The following DPP10 variants were observed in gnomAD, a reference collection of about 807,000 sequenced individuals.
DPP10 encodes inactive dipeptidyl peptidase 10.
In DPP10, 33 loss-of-function variants were observed where a neutral mutation model predicts 120.9. The observed-to-expected ratio is 0.27, with a 90% CI of 0.21 to 0.37. The LOEUF is 0.37. DPP10 is among the 10% of genes least tolerant of loss of function. The pLI is 1.00. For synonymous variants in DPP10, 337 were observed against 326.1 expected (o/e 1.03, Z -0.36); for missense variants, 816 against 942.8 (o/e 0.87, Z 1.76).
At chr2:115,219,715 T>G (rs1295207586) in intron 1 of DPP10, among the ~76,000 whole-genome samples, 1 of 152,216 alleles carries the variant, frequency 6.6e-6, no homozygotes. Context: ...TGTTAAATAT[T>G]GTTAGTCACA....
intron 1 of DPP10, among the ~76,000 whole-genome samples, chr2:115,067,861 C>CAAA (rs201964006): frequency 3.5e-5 from 3 of 86,800 alleles, no homozygotes; most frequent in Non-Finnish European, 4.6e-5. Flanking sequence ...GACTCTGTCT[C>CAAA]AAAAAAAAAA....
At chr2:115,366,898 A>G (rs1270897911) in intron 3 of DPP10, among the ~76,000 whole-genome samples, 1 of 152,084 alleles carries the variant, frequency 6.6e-6, no homozygotes, top group South Asian at 2.1e-4. Flanking sequence ...CCCCAGCAGT[A>G]TCTTTTTAGG....
intron 5 of DPP10, among the ~76,000 whole-genome samples, chr2:115,576,791 C>A (rs564378970): frequency 6.6e-5 from 10 of 152,172 alleles, no homozygotes; most frequent in Non-Finnish European, 1.3e-4. Context: ...CACACTTACT[C>A]ACAAGCATAA....
At chr2:115,586,470 G>T (rs1259244549) in intron 5 of DPP10, among the ~76,000 whole-genome samples, 1 of 152,098 alleles carries the variant, frequency 6.6e-6, no homozygotes, top group Non-Finnish European at 1.5e-5. Context: ...TGAGATGTAG[G>T]ATTACTGGGT....
chr2:115,761,039 G>A (rs1234043875), intron 11 of DPP10, among the ~76,000 whole-genome samples: 2 of 148,248 alleles, frequency 1.3e-5, no homozygotes, highest in African/African-American at 5.0e-5. Flanking sequence ...AGAGGTTTCA[G>A]TGAGCCGAGA....
intron 1 of DPP10, among the ~76,000 whole-genome samples, chr2:115,141,725 C>T (rs1338877888): frequency 6.6e-6 from 1 of 152,170 alleles, no homozygotes; most frequent in Non-Finnish European, 1.5e-5. Flanking sequence ...TTCATTCACT[C>T]ACCTAATATT....
chr2:115,820,996 C>T (rs1687763483), intron 21 of DPP10, among the ~76,000 whole-genome samples: 1 of 152,152 alleles, frequency 6.6e-6, no homozygotes, highest in African/African-American at 2.4e-5. Context: ...AGTGGGATTG[C>T]TAGATCAAAT....
At chr2:114,887,724 T>A (rs576458786) in intron 1 of DPP10, among the ~76,000 whole-genome samples, 1 of 152,220 alleles carries the variant, frequency 6.6e-6, no homozygotes, top group South Asian at 2.1e-4. Context: ...CACAGTGTAT[T>A]AGAAAGCAGA....
At chr2:114,747,678 T>C (rs1574093292) in intron 1 of DPP10, among the ~76,000 whole-genome samples, 1 of 152,358 alleles carries the variant, frequency 6.6e-6, no homozygotes, top group Middle Eastern at 3.4e-3. Flanking sequence ...TCTTCACAGT[T>C]TGTTCTTTCT....
intron 5 of DPP10, among the ~76,000 whole-genome samples, chr2:115,585,545 T>C (rs2082236711): frequency 6.6e-6 from 1 of 152,224 alleles, no homozygotes; most frequent in Non-Finnish European, 1.5e-5. Context: ...ATAAGTTTTA[T>C]CAAGTTTTCT....
chr2:114,808,584 A>C (rs559348922), intron 1 of DPP10, among the ~76,000 whole-genome samples: 54 of 149,558 alleles, frequency 3.6e-4, no homozygotes, highest in Non-Finnish European at 6.5e-4. Context: ...TGGAAATTCC[A>C]ATAGCACTTG....
At chr2:115,627,785 T>C (rs2085484744) in intron 5 of DPP10, among the ~76,000 whole-genome samples, 2 of 152,140 alleles carry the variant, frequency 1.3e-5, no homozygotes, top group South Asian at 4.1e-4. Context: ...CAGTGTTTTG[T>C]TTTCTGTTCC....
chr2:114,446,989 T>G (rs983324186), intron 1 of DPP10, among the ~76,000 whole-genome samples: 1 of 152,114 alleles, frequency 6.6e-6, no homozygotes, highest in African/African-American at 2.4e-5. Flanking sequence ...ATTGGCATGA[T>G]GAGATGGCTT....
intron 1 of DPP10, among the ~76,000 whole-genome samples, chr2:114,898,423 C>T (rs1233498312): frequency 2.0e-5 from 3 of 151,888 alleles, no homozygotes; most frequent in African/African-American, 7.2e-5. Context: ...GGGTGCAGCA[C>T]ACCAACATGG....
chr2:115,455,111 T>TA (rs1182464590), intron 3 of DPP10, among the ~76,000 whole-genome samples: 6 of 151,636 alleles, frequency 4.0e-5, no homozygotes, highest in African/African-American at 9.6e-5. Context: ...TAAAAAAGAT[T>TA]AAAAAATCTG....
intron 3 of DPP10, among the ~76,000 whole-genome samples, chr2:115,375,456 G>C (rs2065721743): frequency 1.3e-5 from 2 of 152,114 alleles, no homozygotes; most frequent in Admixed American, 6.5e-5. Context: ...CAAGTATCTG[G>C]GAAGTTCCAA....
intron 1 of DPP10, among the ~76,000 whole-genome samples, chr2:115,239,681 C>G (rs1385833115): frequency 6.6e-6 from 1 of 152,094 alleles, no homozygotes; most frequent in Admixed American, 6.6e-5. Context: ...TATACACATG[C>G]CATGGTGGTT....
intron 1 of DPP10, among the ~76,000 whole-genome samples, chr2:114,490,504 G>A (rs568451238): frequency 6.6e-6 from 1 of 152,296 alleles, no homozygotes; most frequent in South Asian, 2.1e-4. Context: ...TCCCTCACGA[G>A]CTCCACACCT....
chr2:115,368,456 AT>A (rs2065206642), intron 3 of DPP10, among the ~76,000 whole-genome samples: 1 of 152,122 alleles, frequency 6.6e-6, no homozygotes, highest in Admixed American at 6.6e-5. Flanking sequence ...CTTTCTATCA[AT>A]TTAATGTATT....
Sources: gnomAD v4.1 joint callset for allele counts (sites outside exome capture counted in the v4.1 genomes callset) on GRCh38, gnomAD v4.1.1 for gene constraint, MANE v1.5 for transcripts, NCBI Gene and HGNC (gene_info 2026-07-23, HGNC 2026-07-21) for gene names.